Variants in ARHGAP20 observed in about 807,000 individuals in gnomAD.
ARHGAP20 encodes Rho GTPase activating protein 20.
Under a neutral mutation model 73.7 loss-of-function variants are expected in ARHGAP20, and 34 were observed. That is an observed-to-expected ratio of 0.46 (90% confidence interval 0.35 to 0.61). ARHGAP20 has a LOEUF of 0.61. Ranked by LOEUF, ARHGAP20 falls within the 20% of genes least tolerant of loss-of-function variation. The pLI is 0.00. For missense variants in ARHGAP20, 1,314 were observed against 1,420.9 expected, an observed-to-expected ratio of 0.92 and a Z score of 1.21; for synonymous variants, 523 against 518.2, an observed-to-expected ratio of 1.01 and a Z score of -0.13.
At chr11:110,649,852 T>C (rs1949310651) in intron 2 of ARHGAP20, among the ~76,000 whole-genome samples, 1 of 152,134 alleles carries the variant, frequency 6.6e-6, no homozygotes, top group Non-Finnish European at 1.5e-5. Context: ...AATCTAGTTT[T>C]ACTAGATCTC....
At chr11:110,662,207 G>A (rs1408083700) in intron 2 of ARHGAP20, among the ~76,000 whole-genome samples, 2 of 151,564 alleles carry the variant, frequency 1.3e-5, no homozygotes, top group Non-Finnish European at 3.0e-5. Context: ...CCAATGAAAG[G>A]AGAAAAAACA....
At chr11:110,663,094 T>A (rs929426243) in intron 2 of ARHGAP20, among the ~76,000 whole-genome samples, 1 of 151,762 alleles carries the variant, frequency 6.6e-6, no homozygotes, top group Admixed American at 6.6e-5. Flanking sequence ...ATGCCTAAAT[T>A]AGAAAAGACC....
Position 110,614,605 on chromosome 11 carries a change from T to C in ARHGAP20, c.586A>G (p.Ile196Val). The C allele has an allele frequency of 6.2e-7, 1 of 1,613,198 alleles. No individual in the cohort carries two copies. The highest frequency in any genetic ancestry group is 8.5e-7 in the Non-Finnish European group (1 of 1,179,604). The change falls in exon 6 of 15, where the codon ATT becomes GTT. Residue 196 changes from isoleucine (I) to valine (V), a missense_variant. Ile to Val is a conservative substitution (Grantham distance 29). Coordinates refer to ENST00000683387, the MANE Select transcript of ARHGAP20 (RefSeq NM_001384657.1). ...LEKEKDYPKS[I>V]PLKIFAKDIG... ...TCCTTGGCGAAGATTTTGAGGGGAA[T>C]GCTCTTCGGGTAGTCCTTTTCTTTC...
intron 2 of ARHGAP20, among the ~76,000 whole-genome samples, chr11:110,685,032 C>T (rs1317037217): frequency 6.6e-6 from 1 of 152,008 alleles, no homozygotes; most frequent in African/African-American, 2.4e-5. Flanking sequence ...AACACATACG[C>T]ACATGTACCC....
intron 7 of ARHGAP20, 114 bp downstream of exon 7, chr11:110,611,195 T>C: frequency 1.7e-6 from 1 of 589,810 alleles, no homozygotes; most frequent in Non-Finnish European, 2.8e-6. Flanking sequence ...GGGAATAAAA[T>C]ATGACTTTGG....
intron 9 of ARHGAP20, among the ~76,000 whole-genome samples, chr11:110,595,783 GA>G (rs548451999): frequency 6.6e-6 from 1 of 152,096 alleles, no homozygotes; most frequent in South Asian, 2.1e-4. Context: ...CACAGAATTG[GA>G]AAAAACTACT....
intron 7 of ARHGAP20, 104 bp from the exon 8 acceptor site, chr11:110,609,154 T>C: frequency 1.1e-6 from 1 of 901,996 alleles, no homozygotes; most frequent in Admixed American, 1.9e-5. Flanking sequence ...TCCTGCCCCC[T>C]ACCCAGTGAT....
intron 1 of ARHGAP20, among the ~76,000 whole-genome samples, chr11:110,708,613 G>A (rs184652326): frequency 2.0e-3 from 311 of 152,186 alleles, no homozygotes; most frequent in Non-Finnish European, 3.7e-3. Context: ...TGTATTGAAT[G>A]AAACAAGCCA....
intron 4 of ARHGAP20, among the ~76,000 whole-genome samples, chr11:110,615,862 A>G (rs1373468640): frequency 6.6e-6 from 1 of 152,158 alleles, no homozygotes; most frequent in African/African-American, 2.4e-5. Context: ...CTGCTTTTTT[A>G]CAAGTGGTAT....
intron 3 of ARHGAP20, 86 bp from the exon 4 acceptor site, chr11:110,624,397 C>A (rs755807374): frequency 1.5e-4 from 169 of 1,113,520 alleles, no homozygotes; most frequent in Non-Finnish European, 1.9e-4. Context: ...TCATCCTCAG[C>A]AAACTAACAC....
At chr11:110,612,158 C>A (rs750675067) in intron 6 of ARHGAP20, among the ~76,000 whole-genome samples, 6 of 151,946 alleles carry the variant, frequency 3.9e-5, no homozygotes, top group African/African-American at 4.8e-5. Flanking sequence ...CAAGCTCATG[C>A]CTGTAATCCT....
intron 2 of ARHGAP20, among the ~76,000 whole-genome samples, chr11:110,663,623 C>T (rs1222839987): frequency 6.6e-6 from 1 of 151,966 alleles, no homozygotes; most frequent in African/African-American, 2.4e-5. Context: ...AACAAAGGAA[C>T]AAAAACTCCA....
intron 6 of ARHGAP20, among the ~76,000 whole-genome samples, chr11:110,613,635 C>A (rs1948418835): frequency 6.6e-6 from 1 of 152,074 alleles, no homozygotes; most frequent in African/African-American, 2.4e-5. Flanking sequence ...TGAATCAAAG[C>A]AGACAGAAAA....
chr11:110,581,361 C>G, intron 14 of ARHGAP20, 136 bp from the exon 15 acceptor site: 1 of 1,012,838 alleles, frequency 9.9e-7, no homozygotes, highest in Non-Finnish European at 1.4e-6. Flanking sequence ...TTCACAATCT[C>G]AATTGTTAGT....
rs192707286 is a variant in ARHGAP20 at position 110,603,251 on chromosome 11, T to C, written c.964+3310A>G. ...CAGCATTTCAATGGCTCAGCACTGC[T>C]AGAGTTTCACAGTGATACTTTGAAC... On this transcript the variant is annotated intron_variant, in intron 9 of 14. Transcript: ENST00000683387. Among the ~76,000 whole-genome samples, 287 of 152,312 alleles carry C rather than the reference T, an allele frequency of 1.9e-3. 1 individual carries two copies. Among genetic ancestry groups the C allele is most frequent in the African/African-American group, 6.7e-3 (278 of 41,576 alleles).
intron 4 of ARHGAP20, among the ~76,000 whole-genome samples, chr11:110,621,975 T>C (rs1948638934): frequency 6.6e-6 from 1 of 152,242 alleles, no homozygotes; most frequent in Admixed American, 6.5e-5. Context: ...CAGTCTTAGC[T>C]TCAAGATGCT....
At chr11:110,623,569 T>C (rs1029419877) in intron 4 of ARHGAP20, among the ~76,000 whole-genome samples, 2 of 152,244 alleles carry the variant, frequency 1.3e-5, no homozygotes, top group African/African-American at 4.8e-5. Context: ...AAACCTGCTA[T>C]ACAATTTGGG....
intron 2 of ARHGAP20, among the ~76,000 whole-genome samples, chr11:110,642,761 C>T (rs1949102891): frequency 1.3e-5 from 2 of 151,936 alleles, no homozygotes; most frequent in African/African-American, 4.8e-5. Context: ...TTCATTGTTG[C>T]TTTGCCAAAT....
intron 14 of ARHGAP20, among the ~76,000 whole-genome samples, 183 bp downstream of exon 14, chr11:110,582,138 C>A (rs1192455259): frequency 6.6e-6 from 1 of 152,206 alleles, no homozygotes; most frequent in South Asian, 2.1e-4. Flanking sequence ...ACACTGTTAA[C>A]ATATGCTGAC....
Sources: gnomAD v4.1 joint callset for allele counts (sites outside exome capture counted in the v4.1 genomes callset) on GRCh38, gnomAD v4.1.1 for gene constraint, MANE v1.5 for transcripts, NCBI Gene and HGNC (gene_info 2026-07-23, HGNC 2026-07-21) for gene names.